The following RASAL2 variants were observed in gnomAD, a reference collection of about 807,000 sequenced individuals.
RASAL2 encodes the protein ras GTPase-activating protein nGAP.
In RASAL2, 58 loss-of-function variants were observed where a neutral mutation model predicts 128.9. The observed-to-expected ratio is 0.45, with a 90% CI of 0.36 to 0.56. The LOEUF is 0.56. RASAL2 is among the 20% of genes least tolerant of loss of function. The probability of loss-of-function intolerance (pLI) is 0.00; values close to 1 mark genes in which losing one functional copy is unlikely to be tolerated. For missense variants in RASAL2, 1,360 were observed against 1,601.6 expected (o/e 0.85, Z 2.57); for synonymous variants, 561 against 580.8 (o/e 0.97, Z 0.49).
intron 1 of RASAL2, chr1:178,125,209 A>G (rs1013180730): frequency 6.6e-6 from 1 of 152,200 alleles, no homozygotes; most frequent in Non-Finnish European, 1.5e-5. Context: ...AATGTTTTAC[A>G]TTTCAGATCA....
chr1:178,407,559 A>G (rs1388468423), intron 4 of RASAL2, among the ~76,000 whole-genome samples: 1 of 152,188 alleles, frequency 6.6e-6, no homozygotes, highest in Non-Finnish European at 1.5e-5. Flanking sequence ...GGTCCTTTCT[A>G]GTTGACAGGG....
chr1:178,196,714 G>T (rs1662671584), intron 1 of RASAL2, among the ~76,000 whole-genome samples: 1 of 152,204 alleles, frequency 6.6e-6, no homozygotes, highest in Admixed American at 6.5e-5. Flanking sequence ...GTACATGGTT[G>T]TGCAGATCCT....
chr1:178,453,943 A>G lies in RASAL2; in HGVS notation c.2010-504A>G, dbSNP rs549656304. Among the ~76,000 whole-genome samples, 19 of 152,200 alleles carry G rather than the reference A, an allele frequency of 1.2e-4. No homozygotes were observed. The South Asian group carries it at 3.9e-3, about 32-fold the overall frequency. On this transcript the variant is annotated intron_variant, in intron 11 of 17. Coordinates refer to ENST00000367649, the MANE Select transcript of RASAL2 (RefSeq NM_170692.4). ...ATATTTATCGATATTTGAGCTAAAA[A>G]TATTTATATTTTATTTTGGAACAGG... is the stretch of plus-strand genomic sequence containing the variant.
chr1:178,317,255 T>G (rs1158986816), intron 3 of RASAL2, among the ~76,000 whole-genome samples: 2 of 139,654 alleles, frequency 1.4e-5, no homozygotes, highest in African/African-American at 6.1e-5. Flanking sequence ...AAAATTCTCT[T>G]TTTTGGTTGT....
At chr1:178,133,290 A>T (rs1201966423) in intron 1 of RASAL2, among the ~76,000 whole-genome samples, 1 of 152,104 alleles carries the variant, frequency 6.6e-6, no homozygotes, top group African/African-American at 2.4e-5. Flanking sequence ...TTTGTTATAA[A>T]TATTATCATG....
At chr1:178,341,451 A>C in intron 3 of RASAL2, 1 of 1,482,284 alleles carries the variant, frequency 6.7e-7, no homozygotes, top group South Asian at 1.4e-5. Context: ...GCTTTTCTGC[A>C]TTCCAAACTG....
Position 178,260,363 on chromosome 1 carries a change from AATATATATATATATATATAT to A in RASAL2, c.203-23168_203-23149del, listed in dbSNP as rs71108040. Among the ~76,000 whole-genome samples the A allele has an allele frequency of 1.1e-4, 2 of 17,580 alleles. 1 individual carries two copies. Among genetic ancestry groups the A allele is most frequent in the African/African-American group, 3.3e-4 (2 of 6,034 alleles). 11.5% of individuals were successfully genotyped at this position (17,580 alleles called of 152,430 possible). On this transcript the variant is annotated intron_variant, in intron 1 of 17. Coordinates refer to ENST00000367649, the MANE Select transcript of RASAL2 (RefSeq NM_170692.4). The stretch of plus-strand genomic sequence containing the variant: ...CGAGACTCGTCTCAAAAAAAAAAAA[AATATATATATATATATATAT>A]ATATATATATATATATATATATATA...
At position 178,094,506 on chromosome 1, in the gene RASAL2, C is replaced by A; in HGVS notation, c.14C>A (p.Pro5Gln). 1.3e-6 allele frequency: 2 copies of A among 1,558,102 alleles called. No homozygotes were observed. The highest frequency in any genetic ancestry group is 2.4e-5 in the South Asian group (2 of 84,892). The change falls in exon 1 of 18, where the codon CCG (proline) becomes CAG (glutamine). Residue 5 changes from proline to glutamine, a missense_variant. Pro to Gln is a moderately conservative substitution (Grantham distance 76). Around this residue, in one of 3 missense-constraint regions of RASAL2, gnomAD observed 617 missense variants for 714.2 expected, o/e 0.86. Coordinates refer to ENST00000367649, the MANE Select transcript of RASAL2 (RefSeq NM_170692.4). ...CCTCGGGGCACCATGGAGCTCTCTC[C>A]GTCGTCCGGAGGAGCCGCGGAGGCG... The part of the protein sequence containing the change: MELS[P>Q]SSGGAAEALS...
intron 1 of RASAL2, among the ~76,000 whole-genome samples, chr1:178,103,272 A>G (rs930131056): frequency 1.3e-5 from 2 of 152,014 alleles, no homozygotes; most frequent in African/African-American, 4.8e-5. Context: ...TGGCTGCATA[A>G]TGCCTGAATT....
chr1:178,255,780 C>A (rs1350590453), intron 1 of RASAL2, among the ~76,000 whole-genome samples: 2 of 151,944 alleles, frequency 1.3e-5, no homozygotes, highest in Middle Eastern at 3.4e-3. Context: ...AATAGAAGAA[C>A]AACAACAAAA....
intron 7 of RASAL2, 45 bp from the exon 8 acceptor site, chr1:178,442,630 T>TC: frequency 6.6e-7 from 1 of 1,516,968 alleles, no homozygotes; most frequent in African/African-American, 1.4e-5. Context: ...TGTTTTTTTT[T>TC]CTGCAATGTC....
chr1:178,094,782 GTCC>G, intron 1 of RASAL2, 88 bp downstream of exon 1: 1 of 1,485,336 alleles, frequency 6.7e-7, no homozygotes, highest in South Asian at 1.2e-5. Flanking sequence ...CTCATTCCCA[GTCC>G]TCATCCGTGC....
chr1:178,219,655 A>G (rs1663550404), intron 1 of RASAL2, among the ~76,000 whole-genome samples: 1 of 151,832 alleles, frequency 6.6e-6, no homozygotes, highest in Non-Finnish European at 1.5e-5. Flanking sequence ...AAAGAAAGAA[A>G]GAAAGAAAGA....
chr1:178,114,469 G>A (rs907570193), intron 1 of RASAL2, among the ~76,000 whole-genome samples: 3 of 151,132 alleles, frequency 2.0e-5, no homozygotes, highest in African/African-American at 4.9e-5. Context: ...GGAGAAGACC[G>A]TATGGTTTTT....
intron 4 of RASAL2, among the ~76,000 whole-genome samples, chr1:178,407,240 A>G (rs1370888483): frequency 1.3e-5 from 2 of 152,212 alleles, no homozygotes; most frequent in Admixed American, 6.5e-5. Flanking sequence ...TCCTGTTTGG[A>G]CTTCCAAATA....
chr1:178,180,225 C>T (rs1662041873), intron 1 of RASAL2, among the ~76,000 whole-genome samples: 1 of 152,078 alleles, frequency 6.6e-6, no homozygotes, highest in African/African-American at 2.4e-5. Flanking sequence ...TGATACTTAG[C>T]TTCTTTCATA....
intron 16 of RASAL2, 53 bp from the exon 17 acceptor site, chr1:178,467,281 C>T (rs1647817680): frequency 3.5e-6 from 5 of 1,437,676 alleles, no homozygotes; most frequent in Non-Finnish European, 4.9e-6. Flanking sequence ...GTTCTCTACA[C>T]TAGCTAGCCC....
At chr1:178,217,347 G>T (rs1663455776) in intron 1 of RASAL2, among the ~76,000 whole-genome samples, 1 of 152,180 alleles carries the variant, frequency 6.6e-6, no homozygotes. Context: ...GAAGTCCCAT[G>T]TAAACCCTGC....
Position 178,457,744 on chromosome 1 carries a change from A to C in RASAL2, c.2452A>C (p.Thr818Pro). ...CACAGACAGCTACTTCAGAGGGAAA[A>C]CATTATTGCTGGTTCAGCAAGCCTC... ...DNTDSYFRGK[T>P]LLLVQQASSQ... Residue 818 changes from threonine to proline, a missense_variant, in exon 14 of 18, where the codon ACA (threonine) becomes CCA (proline). By Grantham distance (38) the Thr-to-Pro change is conservative. Around this residue, in one of 3 missense-constraint regions of RASAL2, gnomAD observed 741 missense variants for 868.6 expected, o/e 0.85. Transcript: ENST00000367649. The C allele has an allele frequency of 6.2e-7, 1 of 1,614,176 alleles. No homozygotes were observed.
Sources: gnomAD v4.1 joint callset for allele counts (sites outside exome capture counted in the v4.1 genomes callset) on GRCh38, gnomAD v4.1.1 for gene constraint, gnomAD v4.1.1 regional missense constraint, MANE v1.5 for transcripts, NCBI Gene and HGNC (gene_info 2026-07-23, HGNC 2026-07-21) for gene names.